The following CSMD1 variants were observed in gnomAD, a reference collection of about 807,000 sequenced individuals.
CSMD1 encodes the protein CUB and Sushi multiple domains 1.
CSMD1 carries 213 observed loss-of-function variants against 417.5 expected under a neutral mutation model. The observed-to-expected ratio is 0.51, with a 90% CI of 0.46 to 0.57. CSMD1 has a LOEUF of 0.57. Among genes scored for constraint, CSMD1 ranks in the 20% least tolerant of loss-of-function variants. The pLI, the probability that CSMD1 is intolerant of heterozygous loss-of-function variation, is 0.00. For synonymous variants in CSMD1, 2,862 were observed against 1,736.8 expected (o/e 1.65, Z -16.11); for missense variants, 6,923 against 4,529.7 (o/e 1.53, Z -15.17).
chr8:4,092,845 G>C (rs528271047), intron 3 of CSMD1, among the ~76,000 whole-genome samples: 2 of 151,950 alleles, frequency 1.3e-5, no homozygotes, highest in Non-Finnish European at 2.9e-5. Context: ...CACTTTGCTG[G>C]TTGAATAATC....
intron 12 of CSMD1, among the ~76,000 whole-genome samples, chr8:3,467,598 G>A (rs991914528): frequency 5.3e-5 from 8 of 152,220 alleles, no homozygotes; most frequent in African/African-American, 1.9e-4. Flanking sequence ...CACCCCGTGT[G>A]TCAGCAAGGA....
chr8:4,732,971 C>G (rs1214388756), intron 1 of CSMD1, among the ~76,000 whole-genome samples: 3 of 151,964 alleles, frequency 2.0e-5, no homozygotes, highest in Non-Finnish European at 2.9e-5. Context: ...GCATTTGTAC[C>G]TCAGCACAAA....
At chr8:4,803,708 G>A (rs1272590765) in intron 1 of CSMD1, among the ~76,000 whole-genome samples, 1 of 152,000 alleles carries the variant, frequency 6.6e-6, no homozygotes, top group Non-Finnish European at 1.5e-5. Flanking sequence ...TTTTTTCCAC[G>A]AATGTCTATT....
intron 3 of CSMD1, among the ~76,000 whole-genome samples, chr8:4,200,462 A>T (rs185691628): frequency 1.3e-5 from 2 of 152,330 alleles, no homozygotes; most frequent in East Asian, 3.9e-4. Context: ...CTTATGGTTT[A>T]AGTGACAAAG....
intron 7 of CSMD1, 57 bp from the exon 8 acceptor site, chr8:3,616,854 A>C (rs988380488): frequency 2.5e-5 from 31 of 1,262,026 alleles, no homozygotes; most frequent in Non-Finnish European, 3.3e-5. Context: ...AAATACCCAG[A>C]TAAAAAATTT....
intron 10 of CSMD1, among the ~76,000 whole-genome samples, chr8:3,511,125 A>G (rs1454993088): frequency 5.9e-5 from 9 of 151,788 alleles, no homozygotes; most frequent in Admixed American, 5.9e-4. Flanking sequence ...CAAACTAACA[A>G]AGGAACAGAA....
intron 5 of CSMD1, among the ~76,000 whole-genome samples, chr8:3,835,699 C>T (rs933582361): frequency 1.4e-5 from 2 of 141,260 alleles, no homozygotes; most frequent in African/African-American, 2.7e-5. Context: ...TACCCTGAAA[C>T]TTAAAGTATA....
intron 2 of CSMD1, among the ~76,000 whole-genome samples, chr8:4,523,379 G>GT (rs779923562): frequency 6.6e-6 from 1 of 152,172 alleles, no homozygotes; most frequent in South Asian, 2.1e-4. Context: ...TGTAGCTGTT[G>GT]TTTTTTTCAT....
rs141799953 is a variant in CSMD1 at position 3,240,273 on chromosome 8, C to T, written c.4154-10042G>A. 1.4e-3 allele frequency among the ~76,000 whole-genome samples: 218 copies of T among 152,172 alleles called. 3 individuals are homozygous for T. The East Asian group carries it at 0.035, about 24-fold the overall frequency. On this transcript the variant is annotated intron_variant, in intron 26 of 69. Coordinates refer to ENST00000635120, the MANE Select transcript of CSMD1 (RefSeq NM_033225.6). ...GCTAGGATGGGGGCAGTCTCTAAAG[C>T]TGTCTTCAAGGAACGGAAAGAGGAG...
At chr8:3,407,855 G>A (rs1222294143) in intron 14 of CSMD1, 44 bp downstream of exon 14, 5 of 1,506,096 alleles carry the variant, frequency 3.3e-6, no homozygotes, top group Middle Eastern at 1.8e-4. Flanking sequence ...GAACATGTAA[G>A]TAAAATGAGA....
intron 5 of CSMD1, among the ~76,000 whole-genome samples, chr8:3,925,215 T>C (rs1013960113): frequency 3.3e-5 from 5 of 152,220 alleles, no homozygotes; most frequent in African/African-American, 1.2e-4. Flanking sequence ...TGCTACATTT[T>C]GGGCTATTTT....
At chr8:4,161,697 T>A (rs534777547) in intron 3 of CSMD1, among the ~76,000 whole-genome samples, 2 of 152,316 alleles carry the variant, frequency 1.3e-5, no homozygotes, top group East Asian at 1.9e-4. Context: ...CAGAAAAATC[T>A]GCCACGAATC....
chr8:4,133,996 G>A (rs1235605555), intron 3 of CSMD1, among the ~76,000 whole-genome samples: 3 of 152,118 alleles, frequency 2.0e-5, no homozygotes, highest in African/African-American at 7.2e-5. Flanking sequence ...ATCCATAAAA[G>A]AAGAGAAATA....
chr8:4,787,754 C>A, intron 1 of CSMD1: 1 of 1,587,330 alleles, frequency 6.3e-7, no homozygotes, highest in Non-Finnish European at 8.6e-7. Flanking sequence ...CTGATTGCTG[C>A]AAAATTTTGC....
At chr8:4,613,664 A>G (rs909827702) in intron 2 of CSMD1, among the ~76,000 whole-genome samples, 1 of 152,148 alleles carries the variant, frequency 6.6e-6, no homozygotes, top group African/African-American at 2.4e-5. Flanking sequence ...AATTATATGC[A>G]AAAAATGTCA....
chr8:4,460,477 G>C (rs1425944447), intron 2 of CSMD1, among the ~76,000 whole-genome samples: 6 of 152,016 alleles, frequency 3.9e-5, no homozygotes, highest in Non-Finnish European at 2.9e-5. Flanking sequence ...ATATTCTAGT[G>C]AGAATAATCA....
intron 2 of CSMD1, among the ~76,000 whole-genome samples, chr8:4,533,587 C>T (rs548180432): frequency 5.3e-5 from 8 of 151,778 alleles, no homozygotes; most frequent in East Asian, 1.9e-4. Flanking sequence ...TTAACCAATC[C>T]GAGAAGAGGA....
intron 1 of CSMD1, among the ~76,000 whole-genome samples, chr8:4,864,887 C>CACACACAT (rs1554505470): frequency 6.7e-6 from 1 of 149,668 alleles, no homozygotes; most frequent in Non-Finnish European, 1.5e-5. Context: ...CACACACACA[C>CACACACAT]ACACACACAA....
At chr8:3,775,788 T>G (rs1359607082) in intron 5 of CSMD1, among the ~76,000 whole-genome samples, 1 of 152,230 alleles carries the variant, frequency 6.6e-6, no homozygotes, top group Non-Finnish European at 1.5e-5. Context: ...CCACGAAGCA[T>G]TGCTGGGTGC....
Sources: allele counts gnomAD v4.1 joint callset (sites outside exome capture counted in the v4.1 genomes callset), GRCh38; gene constraint gnomAD v4.1.1; transcripts MANE v1.5; gene names NCBI Gene and HGNC (gene_info 2026-07-23, HGNC 2026-07-21).